The following DEPTOR variants were observed in gnomAD, a reference collection of about 807,000 sequenced individuals.
The protein encoded by DEPTOR is DEP domain containing MTOR interacting protein, also known as DEP domain-containing mTOR-interacting protein.
A neutral mutation model predicts 41.6 loss-of-function variants in DEPTOR; 41 were observed. The ratio of observed to expected loss-of-function variants is 0.98; its 90% CI spans 0.77 to 1.28. The LOEUF (loss-of-function observed/expected upper bound fraction) is 1.28, where lower values mean the gene tolerates loss of function less well. Among genes scored for constraint, DEPTOR ranks in the 50% most tolerant of loss-of-function variants. The pLI is 0.00. For missense variants in DEPTOR, 514 were observed against 527.9 expected, an observed-to-expected ratio of 0.97 and a Z score of 0.26; for synonymous variants, 195 against 192.3, an observed-to-expected ratio of 1.01 and a Z score of -0.12.
At chr8:120,046,889 G>GT (rs1813160953) in intron 8 of DEPTOR, among the ~76,000 whole-genome samples, 2 of 152,148 alleles carry the variant, frequency 1.3e-5, no homozygotes, top group South Asian at 4.1e-4. Context: ...ATAGGAAGCC[G>GT]TAAGGACTGT....
chr8:120,010,458 T>C (rs1812513165), intron 8 of DEPTOR, among the ~76,000 whole-genome samples: 1 of 151,796 alleles, frequency 6.6e-6, no homozygotes, highest in Non-Finnish European at 1.5e-5. Flanking sequence ...CTACTAAAGA[T>C]ACAAAAAATT....
chr8:119,900,467 A>G (rs992464149), intron 1 of DEPTOR, among the ~76,000 whole-genome samples: 5 of 124,582 alleles, frequency 4.0e-5, no homozygotes, highest in Non-Finnish European at 6.2e-5. Context: ...GCTCACTGCA[A>G]CCTTGACCCC....
intron 3 of DEPTOR, among the ~76,000 whole-genome samples, chr8:119,964,469 C>T (rs1414346238): frequency 2.1e-5 from 3 of 141,020 alleles, no homozygotes; most frequent in Admixed American, 7.5e-5. Flanking sequence ...GAGCCAAGGT[C>T]GCACCATTGC....
intron 1 of DEPTOR, among the ~76,000 whole-genome samples, chr8:119,907,991 C>T (rs946319268): frequency 6.6e-6 from 1 of 152,092 alleles, no homozygotes; most frequent in Admixed American, 6.6e-5. Context: ...GGGTGGGACA[C>T]CTAGCTAGCC....
At chr8:120,009,398 A>G (rs1812497718) in intron 8 of DEPTOR, among the ~76,000 whole-genome samples, 1 of 152,116 alleles carries the variant, frequency 6.6e-6, no homozygotes, top group South Asian at 2.1e-4. Flanking sequence ...ATATCACTTG[A>G]GGTCAGGAGT....
At chr8:119,910,754 T>C (rs1162774046) in intron 1 of DEPTOR, among the ~76,000 whole-genome samples, 1 of 152,208 alleles carries the variant, frequency 6.6e-6, no homozygotes, top group African/African-American at 2.4e-5. Flanking sequence ...AGGCTTCATT[T>C]TAACTCACAT....
chr8:119,888,593 C>T (rs1354097783), intron 1 of DEPTOR, among the ~76,000 whole-genome samples: 17 of 152,130 alleles, frequency 1.1e-4, no homozygotes, highest in African/African-American at 3.9e-4. Context: ...CGGTGGCTCA[C>T]GCCTGTAATC....
At chr8:119,982,927 C>A (rs180677345) in intron 4 of DEPTOR, among the ~76,000 whole-genome samples, 1 of 152,254 alleles carries the variant, frequency 6.6e-6, no homozygotes, top group East Asian at 1.9e-4. Context: ...CACACTACTG[C>A]CCTGAGCAAA....
At chr8:119,921,149 G>T (rs1186637752) in intron 1 of DEPTOR, among the ~76,000 whole-genome samples, 2 of 152,144 alleles carry the variant, frequency 1.3e-5, no homozygotes, top group East Asian at 3.9e-4. Context: ...GCTAATTTTT[G>T]TATTTTTAGT....
chr8:120,043,910 G>A (rs1157118914), intron 8 of DEPTOR, among the ~76,000 whole-genome samples: 1 of 151,856 alleles, frequency 6.6e-6, no homozygotes, highest in Admixed American at 6.6e-5. Context: ...TACTTGGGAG[G>A]CTGAGGCATG....
At chr8:120,001,141 A>T (rs1243655774) in intron 4 of DEPTOR, among the ~76,000 whole-genome samples, 5 of 152,008 alleles carry the variant, frequency 3.3e-5, no homozygotes, top group Non-Finnish European at 5.9e-5. Context: ...ATGGGGACAC[A>T]TGAGTAAGTG....
intron 1 of DEPTOR, chr8:119,891,117 C>T (rs999793579): frequency 4.6e-5 from 7 of 151,988 alleles, no homozygotes; most frequent in African/African-American, 9.7e-5. Context: ...GCAATCTTGG[C>T]TCACTGGAAC....
intron 2 of DEPTOR, 106 bp downstream of exon 2, chr8:119,928,684 CA>C (rs1162937988): frequency 3.9e-5 from 47 of 1,211,188 alleles, no homozygotes; most frequent in Non-Finnish European, 4.8e-5. Flanking sequence ...ATTTTATCTC[CA>C]GTGTACCTCT....
At chr8:119,968,164 T>C (rs941974859) in intron 4 of DEPTOR, among the ~76,000 whole-genome samples, 1 of 152,092 alleles carries the variant, frequency 6.6e-6, no homozygotes, top group Non-Finnish European at 1.5e-5. Flanking sequence ...GAAGATGTGC[T>C]ATCTATTTCA....
intron 1 of DEPTOR, among the ~76,000 whole-genome samples, chr8:119,920,887 G>A (rs1827882559): frequency 6.6e-6 from 1 of 152,092 alleles, no homozygotes; most frequent in South Asian, 2.1e-4. Flanking sequence ...GCTGCTTCAG[G>A]GGCTTCCTGT....
At chr8:120,035,522 G>A (rs1812967726) in intron 8 of DEPTOR, among the ~76,000 whole-genome samples, 1 of 152,116 alleles carries the variant, frequency 6.6e-6, no homozygotes, top group Non-Finnish European at 1.5e-5. Context: ...TGGTAAAGGA[G>A]GGAGTCCACA....
chr8:119,968,903 G>A (rs1359821703), intron 4 of DEPTOR, among the ~76,000 whole-genome samples: 1 of 152,014 alleles, frequency 6.6e-6, no homozygotes, highest in Non-Finnish European at 1.5e-5. Context: ...TCAGCGAGCT[G>A]GCCAACATTG....
intron 1 of DEPTOR, among the ~76,000 whole-genome samples, chr8:119,893,280 T>C (rs1827474044): frequency 6.6e-6 from 1 of 152,146 alleles, no homozygotes; most frequent in Admixed American, 6.5e-5. Flanking sequence ...CTGCTTTGGG[T>C]GGTTATTCAG....
chr8:120,048,728 A>G (rs1053800320), intron 8 of DEPTOR, among the ~76,000 whole-genome samples: 3 of 152,122 alleles, frequency 2.0e-5, no homozygotes, highest in Non-Finnish European at 4.4e-5. Context: ...AGTACTCAGC[A>G]TCGGTGTAGT....
Sources: allele counts gnomAD v4.1 joint callset (sites outside exome capture counted in the v4.1 genomes callset), GRCh38; gene constraint gnomAD v4.1.1; transcripts MANE v1.5; gene names NCBI Gene and HGNC (gene_info 2026-07-23, HGNC 2026-07-21).